GHR: variants seen among roughly 807,000 people sequenced by gnomAD.
GHR encodes growth hormone receptor, also known as GH receptor.
In GHR, 35 loss-of-function variants were observed where a neutral mutation model predicts 67.1. The ratio of observed to expected loss-of-function variants is 0.52; its 90% CI spans 0.40 to 0.69. GHR has a LOEUF of 0.69. Among genes scored for constraint, GHR ranks in the 30% least tolerant of loss-of-function variants. The pLI, the probability that GHR is intolerant of heterozygous loss-of-function variation, is 0.00. For synonymous variants in GHR, 272 were observed against 269.1 expected, an observed-to-expected ratio of 1.01 and a Z score of -0.10; for missense variants, 792 against 764.6, an observed-to-expected ratio of 1.04 and a Z score of -0.42.
chr5:42,547,752 C>T (rs1264309221), intron 1 of GHR, among the ~76,000 whole-genome samples: 1 of 152,146 alleles, frequency 6.6e-6, no homozygotes, highest in Non-Finnish European at 1.5e-5. Context: ...CTACTTTATA[C>T]TGCTGACAAA....
At chr5:42,448,224 G>A (rs1743897250) in intron 1 of GHR, among the ~76,000 whole-genome samples, 1 of 152,042 alleles carries the variant, frequency 6.6e-6, no homozygotes. Flanking sequence ...GCGTAAAAGG[G>A]TTCCCTTTTC....
intron 3 of GHR, among the ~76,000 whole-genome samples, chr5:42,637,935 G>GTTGTTTGT (rs141831785): frequency 9.9e-5 from 15 of 152,016 alleles, no homozygotes; most frequent in Middle Eastern, 3.4e-3. Context: ...CTATAATATG[G>GTTGTTTGT]TTGTTTGTTT....
At chr5:42,605,708 C>G (rs1752600222) in intron 2 of GHR, among the ~76,000 whole-genome samples, 1 of 152,194 alleles carries the variant, frequency 6.6e-6, no homozygotes, top group South Asian at 2.1e-4. Flanking sequence ...TCTCAAATGG[C>G]AGGTCTCATT....
intron 2 of GHR, among the ~76,000 whole-genome samples, chr5:42,567,024 C>A (rs1579953550): frequency 1.3e-5 from 2 of 152,086 alleles, no homozygotes; most frequent in African/African-American, 4.8e-5. Context: ...ATTTTTTGGT[C>A]TCTCTGGCGT....
At chr5:42,448,965 G>A (rs1239350880) in intron 1 of GHR, among the ~76,000 whole-genome samples, 1 of 151,896 alleles carries the variant, frequency 6.6e-6, no homozygotes, top group East Asian at 1.9e-4. Context: ...TTTATTTCTG[G>A]GTTCTCTATT....
At chr5:42,461,765 G>A (rs1305070991) in intron 1 of GHR, among the ~76,000 whole-genome samples, 3 of 152,114 alleles carry the variant, frequency 2.0e-5, no homozygotes, top group Admixed American at 2.0e-4. Context: ...TTTATGGAAG[G>A]GGACATGAAA....
intron 3 of GHR, among the ~76,000 whole-genome samples, chr5:42,661,784 G>T (rs938000054): frequency 1.8e-4 from 27 of 152,136 alleles, no homozygotes; most frequent in Middle Eastern, 6.3e-3. Context: ...TGGACTAAAT[G>T]CTCCAATTAA....
intron 1 of GHR, chr5:42,468,376 C>G: frequency 7.6e-7 from 1 of 1,309,300 alleles, no homozygotes; most frequent in South Asian, 1.4e-5. Flanking sequence ...CAGCACAGGT[C>G]AAACCCCATC....
intron 1 of GHR, among the ~76,000 whole-genome samples, chr5:42,550,476 T>C (rs1006711820): frequency 1.3e-5 from 2 of 152,174 alleles, no homozygotes; most frequent in African/African-American, 4.8e-5. Context: ...CTTAAGTTAA[T>C]GTCAGCCAGA....
At chr5:42,457,857 G>A (rs879923621) in intron 1 of GHR, among the ~76,000 whole-genome samples, 93 of 152,186 alleles carry the variant, frequency 6.1e-4, no homozygotes, top group African/African-American at 8.7e-4. Context: ...TCAAAATAGC[G>A]TTAGTAAGCC....
intron 2 of GHR, among the ~76,000 whole-genome samples, chr5:42,598,112 A>C (rs749532004): frequency 8.5e-5 from 13 of 152,154 alleles, no homozygotes; most frequent in South Asian, 4.1e-4. Context: ...AAGGGGAAAG[A>C]TGAGAGAGGG....
At position 42,549,670 on chromosome 5, in the gene GHR, G is replaced by A. The variant is rs866483449; in HGVS notation, c.-11-16194G>A. 11 of 985,368 alleles carry A rather than the reference G, an allele frequency of 1.1e-5. No individual in the cohort carries two copies. The South Asian group carries it at 3.3e-4, about 29-fold the overall frequency. The allele number at this position is 985,368 out of a possible 1,614,324, so 61.0% of individuals were successfully genotyped here. ...ATTCCTTTGTGGACGGAAGAAAGGG[G>A]AGGTTTGTGGAAATGGTGGAAGATA... is the stretch of plus-strand genomic sequence containing the variant. On this transcript the variant is annotated intron_variant, in intron 1 of 9. Coordinates refer to ENST00000230882, the MANE Select transcript of GHR (RefSeq NM_000163.5).
intron 1 of GHR, among the ~76,000 whole-genome samples, chr5:42,508,511 G>A (rs937552021): frequency 6.6e-6 from 1 of 152,160 alleles, no homozygotes; most frequent in African/African-American, 2.4e-5. Context: ...AGACCTGAGA[G>A]ATGATTACTG....
chr5:42,562,129 T>C lies in GHR; in HGVS notation c.-11-3735T>C, dbSNP rs35399842. On this transcript the variant is annotated intron_variant, in intron 1 of 9. Coordinates refer to ENST00000230882, the MANE Select transcript of GHR (RefSeq NM_000163.5). ...CGCACTCTGACGTTTCCTAGGGACA[T>C]TTTGTCTCAGCTAGAATCTAATAGA... Among the ~76,000 whole-genome samples the C allele has an allele frequency of 3.6e-3, 544 of 152,296 alleles. 2 individuals carry two copies. Among genetic ancestry groups the C allele is most frequent in the African/African-American group, 0.013 (530 of 41,560 alleles).
At chr5:42,509,321 T>A (rs906417712) in intron 1 of GHR, among the ~76,000 whole-genome samples, 3 of 152,214 alleles carry the variant, frequency 2.0e-5, no homozygotes, top group Admixed American at 2.0e-4. Context: ...CCATATTTCT[T>A]GAATCCACTC....
At chr5:42,505,634 A>G (rs1427515857) in intron 1 of GHR, among the ~76,000 whole-genome samples, 1 of 152,072 alleles carries the variant, frequency 6.6e-6, no homozygotes, top group African/African-American at 2.4e-5. Context: ...GAAGCAAGAG[A>G]TTGCTTTTGT....
chr5:42,514,681 G>A (rs1473026702), intron 1 of GHR, among the ~76,000 whole-genome samples: 1 of 152,110 alleles, frequency 6.6e-6, no homozygotes, highest in Admixed American at 6.5e-5. Context: ...GCCACAGTGG[G>A]GACATTAGTG....
chr5:42,713,597 T>C (rs1043053169), intron 8 of GHR, 78 bp downstream of exon 8: 3 of 781,606 alleles, frequency 3.8e-6, no homozygotes, highest in East Asian at 2.4e-5. Flanking sequence ...TGTTATTTGA[T>C]ATTTTCTTTG....
chr5:42,628,065 G>C (rs1037560985), intron 2 of GHR, among the ~76,000 whole-genome samples: 3 of 152,114 alleles, frequency 2.0e-5, no homozygotes, highest in African/African-American at 7.2e-5. Context: ...ACCTCCCCCA[G>C]GCAAGCTCCT....
Sources: gnomAD v4.1 joint callset for allele counts (sites outside exome capture counted in the v4.1 genomes callset) on GRCh38, gnomAD v4.1.1 for gene constraint, MANE v1.5 for transcripts, NCBI Gene and HGNC (gene_info 2026-07-23, HGNC 2026-07-21) for gene names.